Variants in SIL1 observed in about 807,000 individuals in gnomAD.
SIL1 encodes the protein SIL1 nucleotide exchange factor.
SIL1 carries 40 observed loss-of-function variants against 49.1 expected under a neutral mutation model. The ratio of observed to expected loss-of-function variants is 0.81; its 90% confidence interval spans 0.63 to 1.06. The LOEUF (loss-of-function observed/expected upper bound fraction) is 1.06, where lower values mean the gene tolerates loss of function less well. Among genes scored for constraint, SIL1 ranks in the 50% least tolerant of loss-of-function variants. SIL1 has a pLI of 0.00. For missense variants in SIL1, 500 were observed against 572.6 expected (o/e 0.87, Z 1.29); for synonymous variants, 253 against 250.8 (o/e 1.01, Z -0.08).
At chr5:138,977,843 C>G (rs1371289278) in intron 7 of SIL1, among the ~76,000 whole-genome samples, 1 of 152,150 alleles carries the variant, frequency 6.6e-6, no homozygotes, top group East Asian at 1.9e-4. Context: ...TGGCTGCTTC[C>G]TCAACTGGCC....
At chr5:139,100,035 T>G (rs979262933) in intron 3 of SIL1, among the ~76,000 whole-genome samples, 6 of 152,210 alleles carry the variant, frequency 3.9e-5, no homozygotes, top group Non-Finnish European at 7.3e-5. Flanking sequence ...AAACATCTCA[T>G]GTACCTCATA....
intron 7 of SIL1, among the ~76,000 whole-genome samples, chr5:138,980,252 G>A (rs1767486031): frequency 6.6e-6 from 1 of 151,998 alleles, no homozygotes; most frequent in African/African-American, 2.4e-5. Context: ...GAAATAAGAA[G>A]TCTGAAGAGC....
chr5:138,967,813 C>G (rs972027131), intron 7 of SIL1, among the ~76,000 whole-genome samples: 1 of 152,006 alleles, frequency 6.6e-6, no homozygotes, highest in Non-Finnish European at 1.5e-5. Flanking sequence ...CCCAACACGA[C>G]AGCCTATATA....
intron 7 of SIL1, among the ~76,000 whole-genome samples, chr5:139,019,548 C>A (rs1236553774): frequency 6.6e-6 from 1 of 152,150 alleles, no homozygotes; most frequent in Non-Finnish European, 1.5e-5. Flanking sequence ...TTAGTTGATG[C>A]TGCATAAATG....
At position 138,957,642 on chromosome 5, in the gene SIL1, C is replaced by T. The variant is rs184843411; in HGVS notation, c.768-5758G>A. Among the ~76,000 whole-genome samples, 25 of 152,150 alleles carry T rather than the reference C, an allele frequency of 1.6e-4. No homozygotes were observed. In the East Asian group the frequency reaches 4.2e-3, roughly 26 times the overall value. ...GCTGCAAGAATAGTAAATAAACTCC[C>T]ATCCAGATTCACCAATTGTGGACAT... On this transcript the variant is annotated intron_variant, in intron 7 of 9. Transcript: ENST00000394817.
intron 1 of SIL1, among the ~76,000 whole-genome samples, chr5:139,189,661 A>C (rs910409571): frequency 6.6e-6 from 1 of 152,140 alleles, no homozygotes; most frequent in Non-Finnish European, 1.5e-5. Flanking sequence ...ATCTCTACTA[A>C]AAATACAAAA....
chr5:139,195,695 A>G (rs1752255516), intron 1 of SIL1, among the ~76,000 whole-genome samples: 1 of 152,072 alleles, frequency 6.6e-6, no homozygotes. Flanking sequence ...CCCTATTCCC[A>G]CTGTTATGTA....
chr5:139,128,056 G>C (rs1750790090), intron 1 of SIL1: 1 of 602,192 alleles, frequency 1.7e-6, no homozygotes, highest in African/African-American at 1.8e-5. Flanking sequence ...ATATGCCCTG[G>C]GTAGAACCAT....
chr5:139,039,536 A>G (rs990495710), intron 5 of SIL1, among the ~76,000 whole-genome samples: 3 of 152,206 alleles, frequency 2.0e-5, no homozygotes, highest in African/African-American at 7.2e-5. Flanking sequence ...GGATTTGCCA[A>G]CACTCAGTCT....
At chr5:139,112,028 C>G (rs562648054) in intron 3 of SIL1, among the ~76,000 whole-genome samples, 26 of 152,320 alleles carry the variant, frequency 1.7e-4, no homozygotes, top group East Asian at 3.9e-4. Flanking sequence ...TATTTTTTTG[C>G]TGGAGACGGG....
intron 3 of SIL1, among the ~76,000 whole-genome samples, chr5:139,085,734 C>T (rs1447531421): frequency 6.6e-6 from 1 of 152,038 alleles, no homozygotes; most frequent in Non-Finnish European, 1.5e-5. Context: ...AAATATATAC[C>T]AGGGGCTGAA....
At chr5:139,192,165 G>T (rs1216310944) in intron 1 of SIL1, among the ~76,000 whole-genome samples, 1 of 150,456 alleles carries the variant, frequency 6.6e-6, no homozygotes, top group Admixed American at 6.6e-5. Context: ...TGAGGTGGAA[G>T]GATTGCTTGA....
chr5:139,150,854 T>C (rs11958425), intron 1 of SIL1, among the ~76,000 whole-genome samples: 60,369 of 151,790 alleles, frequency 0.4, 13,158 homozygotes, highest in South Asian at 0.52. Context: ...ATGGGAATTA[T>C]ATCCCAGGCA....
At chr5:139,151,076 C>T (rs1172788954) in intron 1 of SIL1, among the ~76,000 whole-genome samples, 1 of 152,088 alleles carries the variant, frequency 6.6e-6, no homozygotes, top group Non-Finnish European at 1.5e-5. Context: ...AAATAAAGGA[C>T]AAAATAGGTA....
chr5:139,087,614 T>C (rs1561857099), intron 3 of SIL1, among the ~76,000 whole-genome samples: 1 of 152,084 alleles, frequency 6.6e-6, no homozygotes, highest in African/African-American at 2.4e-5. Context: ...AATAGGCTTA[T>C]GGGAACTGGG....
rs374674178 is a variant in SIL1, at chr5:138,970,770, T to C, written c.768-18886A>G. Among the ~76,000 whole-genome samples, 124 of 152,242 alleles carry C rather than the reference T, an allele frequency of 8.1e-4. 1 individual carries two copies. Among genetic ancestry groups the C allele is most frequent in the African/African-American group, 2.8e-3 (116 of 41,550 alleles). ...TACAAAAATTAGCTGGGTGTGGCGA[T>C]GCGCACCTGTAGTCCCAGCTACTAG... On this transcript the variant is annotated intron_variant, in intron 7 of 9. Coordinates refer to ENST00000394817, the MANE Select transcript of SIL1 (RefSeq NM_022464.5).
Position 138,963,507 on chromosome 5 carries a change from G to A in SIL1, c.768-11623C>T, listed in dbSNP as rs539059512. 7.2e-4 allele frequency among the ~76,000 whole-genome samples: 110 copies of A among 152,294 alleles called. 3 individuals are homozygous for A. The South Asian group carries it at 0.021, about 29-fold the overall frequency. On this transcript the variant is annotated intron_variant, in intron 7 of 9. Coordinates refer to ENST00000394817, the MANE Select transcript of SIL1 (RefSeq NM_022464.5). ...AAAGAAAAGGCAATGATCGTAGGAC[G>A]GTCTATAGCTGAAAATGACAACACT...
chr5:139,143,641 G>T (rs1751137045), intron 1 of SIL1, among the ~76,000 whole-genome samples: 1 of 151,938 alleles, frequency 6.6e-6, no homozygotes, highest in South Asian at 2.1e-4. Context: ...CAAAGCTCTG[G>T]GATTACGGGC....
intron 1 of SIL1, among the ~76,000 whole-genome samples, chr5:139,129,234 C>T (rs1450909542): frequency 6.6e-6 from 1 of 152,156 alleles, no homozygotes; most frequent in Non-Finnish European, 1.5e-5. Context: ...GTGATACTGG[C>T]ATAAGGATGG....
Sources: allele counts gnomAD v4.1 joint callset (sites outside exome capture counted in the v4.1 genomes callset), GRCh38; gene constraint gnomAD v4.1.1; transcripts MANE v1.5; gene names NCBI Gene and HGNC (gene_info 2026-07-23, HGNC 2026-07-21).